The following KIAA0753 variants were observed in gnomAD, a reference collection of about 807,000 sequenced individuals.
KIAA0753 encodes the protein KIAA0753.
A neutral mutation model predicts 116.9 loss-of-function variants in KIAA0753; 114 were observed. The observed-to-expected ratio is 0.98, with a 90% CI of 0.84 to 1.14. The LOEUF (loss-of-function observed/expected upper bound fraction) is 1.14, where lower values mean the gene tolerates loss of function less well. Among genes scored for constraint, KIAA0753 ranks in the 50% most tolerant of loss-of-function variants. The pLI, the probability that KIAA0753 is intolerant of heterozygous loss-of-function variation, is 0.00. For missense variants in KIAA0753, 1,156 were observed against 1,172.4 expected, an observed-to-expected ratio of 0.99 and a Z score of 0.20; for synonymous variants, 405 against 413.1, an observed-to-expected ratio of 0.98 and a Z score of 0.24.
chr17:6,639,868 CG>C lies in KIAA0753; in HGVS notation c.-69+768del. The C allele has an allele frequency of 6.5e-6, 1 of 153,142 alleles. No homozygotes were observed. Among genetic ancestry groups the C allele is most frequent in the Non-Finnish European group, 1.5e-5 (1 of 68,402 alleles). 9.5% of individuals were successfully genotyped at this position (153,142 alleles called of 1,614,324 possible). A position where few individuals can be genotyped will look rare whatever the true frequency, so the allele number is the denominator to read the frequency against. On this transcript the variant is annotated intron_variant, in intron 1 of 18. Transcript: ENST00000361413. This position sits in a 1 kb window ranked among gnomAD's most constrained non-coding sequence, Gnocchi z 4.3. ...CGGGCGACCTTTTCTCTCGCAGCCC[CG>C]GGGACTTCTATCTTCGGTCTCCTCC...
Position 6,628,238 on chromosome 17 carries a change from C to G in KIAA0753, c.597G>C (p.Gln199His). Residue 199 changes from glutamine (Q) to histidine (H), a missense_variant, in exon 3 of 19, where the codon CAG becomes CAC. Physicochemically the swap from Gln to His is conservative, Grantham distance 24. Coordinates refer to ENST00000361413, the MANE Select transcript of KIAA0753 (RefSeq NM_014804.3). ...NSPPTHDPGLQPHPRIGDHKN... is the reference protein window; with the variant it reads ...NSPPTHDPGLHPHPRIGDHKN... ...TGTGGTCACCTATCCTGGGATGAGG[C>G]TGAAGTCCCGGATCATGGGTGGGTG... The G allele has an allele frequency of 9.9e-6, 16 of 1,614,152 alleles. No individual in the cohort carries two copies. The highest frequency in any genetic ancestry group is 1.4e-5 in the Non-Finnish European group (16 of 1,180,042).
At chr17:6,618,554 C>G (rs951675567) in intron 7 of KIAA0753, among the ~76,000 whole-genome samples, 1 of 152,122 alleles carries the variant, frequency 6.6e-6, no homozygotes, top group Admixed American at 6.5e-5. Flanking sequence ...CAGTTGGTGT[C>G]CCCTGGAGAA....
intron 12 of KIAA0753, chr17:6,600,884 G>A (rs1051472220): frequency 1.3e-5 from 2 of 159,994 alleles, no homozygotes; most frequent in South Asian, 3.3e-4. Context: ...CACCCACAAG[G>A]ATAAGGAAGA....
chr17:6,624,536 CCACACACA>C lies in KIAA0753; in HGVS notation c.825+211_825+218del, dbSNP rs55849399. Among the ~76,000 whole-genome samples the C allele has an allele frequency of 1.4e-4, 20 of 144,020 alleles. No individual in the cohort carries two copies. In the South Asian group the frequency reaches 1.6e-3, roughly 12 times the overall value. 94.5% of individuals were successfully genotyped at this position (144,020 alleles called of 152,430 possible). On this transcript the variant is annotated intron_variant, in intron 4 of 18. Transcript: ENST00000361413. Reference sequence around the variant, plus strand: ...AAGAACCAGTTTAAGGAGTTTGGCGCCACACACACACACACACACACACACACACACAC... The same window carrying C: ...AAGAACCAGTTTAAGGAGTTTGGCGCCACACACACACACACACACACACAC...
At position 6,578,671 on chromosome 17, in the gene KIAA0753, T is replaced by C. The variant is rs1967929609; in HGVS notation, c.*1076A>G. ...CCCTGGGGGCGTCTCAGGCATTCTTTCTGCATGTTTCCTTCACTGAGCCTC... is the reference window on the plus strand; with the variant it reads ...CCCTGGGGGCGTCTCAGGCATTCTTCCTGCATGTTTCCTTCACTGAGCCTC... On this transcript the variant is annotated 3_prime_UTR_variant, in exon 19 of 19. Coordinates refer to ENST00000361413, the MANE Select transcript of KIAA0753 (RefSeq NM_014804.3). The C allele has an allele frequency of 6.6e-6, 1 of 152,252 alleles. No individual in the cohort carries two copies. Among genetic ancestry groups the C allele is most frequent in the African/African-American group, 2.4e-5 (1 of 41,462 alleles). The allele number at this position is 152,252 out of a possible 1,614,324, so 9.4% of individuals were successfully genotyped here. A position where few individuals can be genotyped will look rare whatever the true frequency, so the allele number is the denominator to read the frequency against.
intron 7 of KIAA0753, among the ~76,000 whole-genome samples, chr17:6,618,423 A>G (rs192727277): frequency 6.6e-6 from 1 of 152,320 alleles, no homozygotes; most frequent in East Asian, 1.9e-4. Context: ...ATAGGTCACA[A>G]CCTGGGACTT....
chr17:6,597,590 A>G (rs906457027), intron 14 of KIAA0753, among the ~76,000 whole-genome samples: 1 of 152,248 alleles, frequency 6.6e-6, no homozygotes, highest in Admixed American at 6.5e-5. Context: ...ATGTGTATGT[A>G]TAACTTTTAA....
intron 2 of KIAA0753, among the ~76,000 whole-genome samples, chr17:6,632,293 C>G (rs1972063504): frequency 6.6e-6 from 1 of 152,084 alleles, no homozygotes; most frequent in South Asian, 2.1e-4. Flanking sequence ...CTCTCACTGG[C>G]TAAATCAAAG....
intron 6 of KIAA0753, 108 bp from the exon 7 acceptor site, chr17:6,621,106 A>G: frequency 1.1e-6 from 1 of 901,640 alleles, no homozygotes; most frequent in Non-Finnish European, 1.7e-6. Context: ...TTAAATGGCT[A>G]TCTCTAACAG....
rs770890575 is a variant in KIAA0753, at chr17:6,580,316, C to CTCAAGATACT, written c.2787-453_2787-452insAGTATCTTGA. Among the ~76,000 whole-genome samples, 34 of 139,342 alleles carry CTCAAGATACT rather than the reference C, an allele frequency of 2.4e-4. 1 individual carries two copies. The highest frequency in any genetic ancestry group is 1.3e-3 in the East Asian group (6 of 4,732). The allele number at this position is 139,342 out of a possible 152,430, so 91.4% of individuals were successfully genotyped here. On this transcript the variant is annotated intron_variant, in intron 18 of 18. Transcript: ENST00000361413. ...CAGAAGGCCAAGAACAGCCAAGATA[C>CTCAAGATACT]TTTTTTTTTTTTTTTTGAGACGGAG... is the stretch of plus-strand genomic sequence containing the variant.
rs776321569 is a variant in KIAA0753, at chr17:6,628,659, A to G, written c.176T>C (p.Ile59Thr). The G allele has an allele frequency of 6.2e-7, 1 of 1,614,032 alleles. No homozygotes were observed. The highest frequency in any genetic ancestry group is 2.2e-5 in the East Asian group (1 of 44,898). ...ATTGTATGAGTGCTTCAGTTTTTCA[A>G]TTCTAATGGCATGTGGGCAAGAATA... Reference protein sequence around the residue: ...IRYSCPHAIRIEKLKHSYNES... With the variant: ...IRYSCPHAIRTEKLKHSYNES... The change falls in exon 3 of 19, where the codon ATT (isoleucine) becomes ACT (threonine). Residue 59 changes from isoleucine (I) to threonine (T), a missense_variant. By Grantham distance (89) the Ile-to-Thr change is moderately conservative (BLOSUM62 -1). Transcript: ENST00000361413.
Position 6,589,840 on chromosome 17 carries a change from AC to A in KIAA0753, c.2724del (p.Gln908HisfsTer11). 6.2e-7 allele frequency: 1 copy of A among 1,614,100 alleles called. No individual in the cohort carries two copies. Among genetic ancestry groups the A allele is most frequent in the South Asian group, 1.1e-5 (1 of 91,056 alleles). On this transcript the variant is annotated frameshift_variant, in exon 18 of 19. Transcript: ENST00000361413. LOFTEE classifies it high-confidence loss of function. ...GCCTCATGAGATATGATCCGAAGGT[AC>A]TGCTCAAAACGACTACAGTAGTCAC... The part of the protein sequence containing the change: ...SIGDYCSRFE[Q>X]YLRIISHEAV...
intron 5 of KIAA0753, 127 bp downstream of exon 5, chr17:6,623,381 TC>T: frequency 1.3e-6 from 1 of 751,562 alleles, no homozygotes. Flanking sequence ...AGGTGCTCAC[TC>T]CCTCACTAAC....
intron 7 of KIAA0753, 26 bp downstream of exon 7, chr17:6,620,762 T>TA: frequency 6.2e-7 from 1 of 1,606,462 alleles, no homozygotes; most frequent in East Asian, 2.2e-5. Context: ...TAAAATGTCT[T>TA]ACAATAAACA....
chr17:6,619,194 A>G (rs1597565397), intron 7 of KIAA0753, among the ~76,000 whole-genome samples: 1 of 151,776 alleles, frequency 6.6e-6, no homozygotes, highest in Non-Finnish European at 1.5e-5. Flanking sequence ...ACATCACTGC[A>G]CTCCAGCCTG....
At chr17:6,626,485 A>C (rs1273439164) in intron 3 of KIAA0753, among the ~76,000 whole-genome samples, 1 of 152,132 alleles carries the variant, frequency 6.6e-6, no homozygotes, top group Admixed American at 6.5e-5. Flanking sequence ...TGGTAGGGGA[A>C]AATCCGGATT....
chr17:6,633,396 G>A lies in KIAA0753; in HGVS notation c.93+1615C>T, dbSNP rs376651778. On this transcript the variant is annotated intron_variant, in intron 2 of 18. Transcript: ENST00000361413. ...GCTAAAGAGACAACAACAAGTGTTG[G>A]CAAAGATGTGGAGCAACTGGAGCTC... 1.6e-3 allele frequency among the ~76,000 whole-genome samples: 241 copies of A among 152,258 alleles called. 1 individual carries two copies. Among genetic ancestry groups the A allele is most frequent in the African/African-American group, 4.6e-3 (192 of 41,542 alleles).
intron 7 of KIAA0753, 107 bp downstream of exon 7, chr17:6,620,681 G>C: frequency 9.5e-7 from 1 of 1,048,138 alleles, no homozygotes; most frequent in Admixed American, 1.9e-5. Context: ...TTCATCTGTT[G>C]TGGGCTAGGT....
chr17:6,588,899 G>A (rs895122273), intron 18 of KIAA0753, among the ~76,000 whole-genome samples: 3 of 152,142 alleles, frequency 2.0e-5, no homozygotes, highest in Non-Finnish European at 4.4e-5. Context: ...AAGAAAGGAG[G>A]AGAAGGGTTA....
Sources: gnomAD v4.1 joint callset for allele counts (sites outside exome capture counted in the v4.1 genomes callset) on GRCh38, gnomAD v4.1.1 for gene constraint, Gnocchi (gnomAD v3.1) non-coding constraint, MANE v1.5 for transcripts, NCBI Gene and HGNC (gene_info 2026-07-23, HGNC 2026-07-21) for gene names.